The following LRRC8B variants were observed in gnomAD, a reference collection of about 807,000 sequenced individuals.
LRRC8B encodes volume-regulated anion channel subunit LRRC8B.
Under a neutral mutation model 58.8 loss-of-function variants are expected in LRRC8B, and 23 were observed. The ratio of observed to expected loss-of-function variants is 0.39; its 90% CI spans 0.28 to 0.55. The LOEUF is 0.55. Ranked by LOEUF, LRRC8B falls within the 20% of genes least tolerant of loss-of-function variation. The probability of loss-of-function intolerance (pLI) is 0.62; values close to 1 mark genes in which losing one functional copy is unlikely to be tolerated. For missense variants in LRRC8B, 694 were observed against 936.0 expected, an observed-to-expected ratio of 0.74 and a Z score of 3.37; for synonymous variants, 359 against 374.1, an observed-to-expected ratio of 0.96 and a Z score of 0.47.
At chr1:89,557,206 A>G (rs188309619) in intron 1 of LRRC8B, among the ~76,000 whole-genome samples, 1 of 152,140 alleles carries the variant, frequency 6.6e-6, no homozygotes, top group East Asian at 1.9e-4. Flanking sequence ...CTGGGCCTCA[A>G]TGCCTTTTTT....
intron 5 of LRRC8B, among the ~76,000 whole-genome samples, chr1:89,589,265 C>G (rs1654824476): frequency 6.6e-6 from 1 of 152,156 alleles, no homozygotes; most frequent in Non-Finnish European, 1.5e-5. Context: ...GGCAAGGGGG[C>G]TAGGATGGAA....
intron 4 of LRRC8B, among the ~76,000 whole-genome samples, chr1:89,581,377 C>G (rs1363918405): frequency 2.6e-5 from 4 of 151,110 alleles, no homozygotes; most frequent in African/African-American, 7.3e-5. Flanking sequence ...ACTTCAGACT[C>G]AAGAAAATCC....
At chr1:89,540,307 G>T (rs1264982222) in intron 1 of LRRC8B, among the ~76,000 whole-genome samples, 1 of 152,144 alleles carries the variant, frequency 6.6e-6, no homozygotes, top group Non-Finnish European at 1.5e-5. Context: ...CCATTACATT[G>T]TAGTATGAGG....
At chr1:89,573,968 T>A (rs10922667) in intron 3 of LRRC8B, among the ~76,000 whole-genome samples, 57,296 of 152,128 alleles carry the variant, frequency 0.38, 13,027 homozygotes, top group South Asian at 0.55. Context: ...GCAGAAATGG[T>A]GTGGAGTAAT....
chr1:89,561,775 G>A (rs1458806284), intron 1 of LRRC8B, among the ~76,000 whole-genome samples: 1 of 146,780 alleles, frequency 6.8e-6, no homozygotes, highest in African/African-American at 2.5e-5. Flanking sequence ...GTACCATGCT[G>A]TTTTGGTTAC....
At chr1:89,581,880 G>A (rs1439301328) in intron 4 of LRRC8B, among the ~76,000 whole-genome samples, 1 of 152,208 alleles carries the variant, frequency 6.6e-6, no homozygotes, top group Non-Finnish European at 1.5e-5. Context: ...GCGAAAGCTT[G>A]TGTGGAAAGG....
Position 89,562,768 on chromosome 1 carries a change from C to T in LRRC8B, c.-240-5479C>T, listed in dbSNP as rs562998232. Among the ~76,000 whole-genome samples, 10 of 152,272 alleles carry T rather than the reference C, an allele frequency of 6.6e-5. No individual in the cohort carries two copies. In the South Asian group the frequency reaches 2.1e-3, roughly 32 times the overall value. On this transcript the variant is annotated intron_variant, in intron 1 of 5. Coordinates refer to ENST00000330947, the MANE Select transcript of LRRC8B (RefSeq NM_001369817.2). Reference sequence around the variant, plus strand: ...TACAGGCATGAGCCACCTTGCCTGACCATATTGCTATTTAGTAAAGAAGAC... The same window carrying T: ...TACAGGCATGAGCCACCTTGCCTGATCATATTGCTATTTAGTAAAGAAGAC...
At chr1:89,548,534 C>T (rs1360717461) in intron 1 of LRRC8B, among the ~76,000 whole-genome samples, 1 of 152,146 alleles carries the variant, frequency 6.6e-6, no homozygotes, top group African/African-American at 2.4e-5. Context: ...AGTTTCTGGT[C>T]TGTGTAGAAA....
intron 1 of LRRC8B, among the ~76,000 whole-genome samples, chr1:89,565,406 G>A (rs143413868): frequency 2.0e-4 from 31 of 152,246 alleles, no homozygotes; most frequent in African/African-American, 7.2e-4. Flanking sequence ...CAGTCATGCT[G>A]AATTTGACAG....
intron 3 of LRRC8B, among the ~76,000 whole-genome samples, chr1:89,570,622 C>T (rs1269824700): frequency 6.6e-6 from 1 of 152,162 alleles, no homozygotes; most frequent in Non-Finnish European, 1.5e-5. Flanking sequence ...AGACCTTAGT[C>T]AGATGCATAG....
At chr1:89,542,493 A>G (rs1651084458) in intron 1 of LRRC8B, among the ~76,000 whole-genome samples, 1 of 152,218 alleles carries the variant, frequency 6.6e-6, no homozygotes, top group Non-Finnish European at 1.5e-5. Context: ...GCCACTAAAT[A>G]TTTACTGAAT....
chr1:89,575,075 G>A (rs1653743632), intron 3 of LRRC8B, among the ~76,000 whole-genome samples: 1 of 152,134 alleles, frequency 6.6e-6, no homozygotes, highest in Admixed American at 6.5e-5. Context: ...AAGTTTTTGG[G>A]GGGCTTGGGA....
At chr1:89,542,941 T>C (rs1314105407) in intron 1 of LRRC8B, among the ~76,000 whole-genome samples, 1 of 152,252 alleles carries the variant, frequency 6.6e-6, no homozygotes, top group Non-Finnish European at 1.5e-5. Flanking sequence ...CTGATTTATC[T>C]TTTGTAAGTT....
At chr1:89,573,503 A>C (rs1056146063) in intron 3 of LRRC8B, among the ~76,000 whole-genome samples, 1 of 152,030 alleles carries the variant, frequency 6.6e-6, no homozygotes, top group African/African-American at 2.4e-5. Flanking sequence ...GTATTCATCA[A>C]ATTGTTTCCC....
chr1:89,545,103 A>T (rs370081750), intron 1 of LRRC8B, among the ~76,000 whole-genome samples: 9 of 152,338 alleles, frequency 5.9e-5, no homozygotes, highest in African/African-American at 1.9e-4. Context: ...ATGCTGTTAC[A>T]TTCCTCCCAG....
rs942650074 is a variant in LRRC8B at position 89,538,700 on chromosome 1, G to A, written c.-241+13678G>A. Among the ~76,000 whole-genome samples the A allele has an allele frequency of 6.6e-5, 10 of 151,438 alleles. No individual in the cohort carries two copies. In the East Asian group the frequency reaches 1.7e-3, roughly 26 times the overall value. On this transcript the variant is annotated intron_variant, in intron 1 of 5. Transcript: ENST00000330947. ...AGATGCTGTTTAAAGGTTTAAATTAGCATCTTCGAGGTTTTTTTTTGTTTG... is the reference window on the plus strand; with the variant it reads ...AGATGCTGTTTAAAGGTTTAAATTAACATCTTCGAGGTTTTTTTTTGTTTG...
intron 1 of LRRC8B, among the ~76,000 whole-genome samples, chr1:89,550,144 A>G (rs2100896177): frequency 6.6e-6 from 1 of 152,314 alleles, no homozygotes; most frequent in Non-Finnish European, 1.5e-5. Context: ...CTATGCCCAT[A>G]AGCTAGTTAG....
chr1:89,531,266 T>G (rs1650112154), intron 1 of LRRC8B, among the ~76,000 whole-genome samples: 1 of 152,240 alleles, frequency 6.6e-6, no homozygotes, highest in Non-Finnish European at 1.5e-5. Context: ...TTTGATAATT[T>G]GAGTCTATGA....
rs1483580436 is a variant in LRRC8B, at chr1:89,597,118, C to A, written c.*4075C>A. ...TGTGAAAAGCTGAAGCAGTGAAAAC[C>A]TGCAGTCTTATTTCACTGGTTTCCT... On this transcript the variant is annotated 3_prime_UTR_variant, in exon 6 of 6. Transcript: ENST00000330947. 1 of 152,084 alleles carries A rather than the reference C, an allele frequency of 6.6e-6. No individual in the cohort carries two copies. The highest frequency in any genetic ancestry group is 1.9e-4 in the East Asian group (1 of 5,202). The allele number at this position is 152,084 out of a possible 1,614,324, so 9.4% of individuals were successfully genotyped here.
Sources: gnomAD v4.1 joint callset for allele counts (sites outside exome capture counted in the v4.1 genomes callset) on GRCh38, gnomAD v4.1.1 for gene constraint, MANE v1.5 for transcripts, NCBI Gene and HGNC (gene_info 2026-07-23, HGNC 2026-07-21) for gene names.